The following EPG5 variants were observed in gnomAD, a reference collection of about 807,000 sequenced individuals.
The protein encoded by EPG5 is ectopic P granules protein 5 homolog.
A neutral mutation model predicts 302.7 loss-of-function variants in EPG5; 159 were observed. The observed-to-expected ratio is 0.53, with a 90% confidence interval of 0.46 to 0.60. The LOEUF (loss-of-function observed/expected upper bound fraction) is 0.60, where lower values mean the gene tolerates loss of function less well. Among genes scored for constraint, EPG5 ranks in the 20% least tolerant of loss-of-function variants. The probability of loss-of-function intolerance (pLI) is 0.00; values close to 1 mark genes in which losing one functional copy is unlikely to be tolerated. For synonymous variants in EPG5, 1,158 were observed against 1,136.8 expected (o/e 1.02, Z -0.37); for missense variants, 2,896 against 3,092.4 (o/e 0.94, Z 1.51).
At chr18:45,958,193 T>G (rs922602518) in intron 1 of EPG5, among the ~76,000 whole-genome samples, 1 of 152,196 alleles carries the variant, frequency 6.6e-6, no homozygotes, top group African/African-American at 2.4e-5. Context: ...GCAACTTAAT[T>G]TATTTAAATG....
chr18:45,884,014 C>T (rs1234702571), intron 30 of EPG5, among the ~76,000 whole-genome samples: 1 of 151,790 alleles, frequency 6.6e-6, no homozygotes, highest in Non-Finnish European at 1.5e-5. Flanking sequence ...GAGAGACTAA[C>T]AAAACCTTTG....
intron 43 of EPG5, 32 bp from the exon 44 acceptor site, chr18:45,852,681 C>A: frequency 1.3e-6 from 2 of 1,586,844 alleles, no homozygotes; most frequent in Non-Finnish European, 1.7e-6. Flanking sequence ...AGGGTTAACT[C>A]CATAGAGGCA....
At position 45,849,555 on chromosome 18, in the gene EPG5, A is replaced by G. The variant is rs1282032212; in HGVS notation, c.*2912T>C. ...TTCATTTGAAAGGAACGAGGACATGAACACTCTTGGCTTGTATGACATGTA... is the reference window on the plus strand; with the variant it reads ...TTCATTTGAAAGGAACGAGGACATGGACACTCTTGGCTTGTATGACATGTA... On this transcript the variant is annotated 3_prime_UTR_variant, in exon 44 of 44. Coordinates refer to ENST00000282041, the MANE Select transcript of EPG5 (RefSeq NM_020964.3). The G allele has an allele frequency of 1.3e-5, 2 of 152,268 alleles. No individual in the cohort carries two copies. Among genetic ancestry groups the G allele is most frequent in the Non-Finnish European group, 2.9e-5 (2 of 68,048 alleles). The allele number at this position is 152,268 out of a possible 1,614,324, so 9.4% of individuals were successfully genotyped here.
rs2048378709 is a variant in EPG5 at position 45,847,923 on chromosome 18, A to G, written c.*4544T>C. The G allele has an allele frequency of 1.3e-5, 2 of 152,670 alleles. No homozygotes were observed. Among genetic ancestry groups the G allele is most frequent in the South Asian group, 2.1e-4 (1 of 4,834 alleles). The allele number at this position is 152,670 out of a possible 1,614,324, so 9.5% of individuals were successfully genotyped here. On this transcript the variant is annotated 3_prime_UTR_variant, in exon 44 of 44. Coordinates refer to ENST00000282041, the MANE Select transcript of EPG5 (RefSeq NM_020964.3). The stretch of plus-strand genomic sequence containing the variant: ...GAGACAGTACATCTGTACATTAAAA[A>G]ATAAAAGTTATAATCAACAACATTC...
chr18:45,927,860 C>T (rs748910102), intron 13 of EPG5, among the ~76,000 whole-genome samples: 2 of 152,028 alleles, frequency 1.3e-5, no homozygotes, highest in Non-Finnish European at 2.9e-5. Context: ...GGACCCCAAC[C>T]TAAGAAAGCT....
At chr18:45,872,945 T>C (rs1218666117) in intron 35 of EPG5, among the ~76,000 whole-genome samples, 9 of 152,322 alleles carry the variant, frequency 5.9e-5, no homozygotes, top group Non-Finnish European at 8.8e-5. Context: ...GAGCTGATAG[T>C]TCCAGCCAAG....
rs2048425919 is a variant in EPG5, at chr18:45,851,729, A to T, written c.*738T>A. 6.6e-6 allele frequency: 1 copy of T among 152,206 alleles called. No homozygotes were observed. The highest frequency in any genetic ancestry group is 2.4e-5 in the African/African-American group (1 of 41,422). 9.4% of individuals were successfully genotyped at this position (152,206 alleles called of 1,614,324 possible). On this transcript the variant is annotated 3_prime_UTR_variant, in exon 44 of 44. Transcript: ENST00000282041. ...ACTAGAGAGAGGCAGCCCTGTCTGC[A>T]CTCCTCACCAAGTGGACCAAACAAA... is the stretch of plus-strand genomic sequence containing the variant.
chr18:45,947,337 C>T (rs1375765322), intron 6 of EPG5, among the ~76,000 whole-genome samples: 6 of 152,048 alleles, frequency 3.9e-5, no homozygotes, highest in Non-Finnish European at 7.4e-5. Context: ...CTCTTGAACC[C>T]AGGAGGCAGA....
intron 29 of EPG5, among the ~76,000 whole-genome samples, chr18:45,886,580 T>C (rs988591587): frequency 6.6e-6 from 1 of 152,202 alleles, no homozygotes; most frequent in African/African-American, 2.4e-5. Flanking sequence ...ATGTAGTCAG[T>C]ATTTCTAGGT....
At chr18:45,863,660 T>C (rs1233010456) in intron 39 of EPG5, among the ~76,000 whole-genome samples, 1 of 152,226 alleles carries the variant, frequency 6.6e-6, no homozygotes, top group South Asian at 2.1e-4. Flanking sequence ...GTGGCTTTTC[T>C]TAGTTTACAA....
At chr18:45,866,367 C>T (rs545057311) in intron 38 of EPG5, among the ~76,000 whole-genome samples, 1 of 152,260 alleles carries the variant, frequency 6.6e-6, no homozygotes, top group East Asian at 1.9e-4. Context: ...GTGATCCGCC[C>T]ACCTTGGCCT....
chr18:45,838,400 T>C, the EPG5 span: 4 of 462,120 alleles, frequency 8.7e-6, no homozygotes, highest in African/African-American at 6.3e-5. Context: ...CCCACCCTGC[T>C]CTGCGACAAT....
rs189650861 is a variant in EPG5, at chr18:45,964,095, T to C, written c.63+3082A>G. Among the ~76,000 whole-genome samples the C allele has an allele frequency of 1.8e-3, 272 of 152,354 alleles. 2 individuals are homozygous for C. Among genetic ancestry groups the C allele is most frequent in the Non-Finnish European group, 1.2e-4 (8 of 68,042 alleles). On this transcript the variant is annotated intron_variant, in intron 1 of 43. Coordinates refer to ENST00000282041, the MANE Select transcript of EPG5 (RefSeq NM_020964.3). ...ACAAAAAAAAATTAATGTATGTTTG[T>C]ATAGGAAAGTTGCCTAAGATGGATA... is the stretch of plus-strand genomic sequence containing the variant.
the EPG5 span, among the ~76,000 whole-genome samples, chr18:45,809,660 T>C: frequency 6.6e-6 from 1 of 152,208 alleles, no homozygotes; most frequent in African/African-American, 2.4e-5. Flanking sequence ...AATTAAAAAG[T>C]TCTTTGAACT....
chr18:45,837,139 T>G, the EPG5 span: 1 of 1,606,202 alleles, frequency 6.2e-7, no homozygotes, highest in Non-Finnish European at 8.5e-7. Context: ...GAGTCTGTTT[T>G]AACCACGAGA....
intron 1 of EPG5, among the ~76,000 whole-genome samples, chr18:45,961,396 C>G (rs1280851288): frequency 6.6e-6 from 1 of 152,204 alleles, no homozygotes; most frequent in Non-Finnish European, 1.5e-5. Context: ...TCCCCTCACT[C>G]ACTCTGCACT....
chr18:45,883,636 T>G (rs1434846042), intron 30 of EPG5, among the ~76,000 whole-genome samples: 1 of 139,786 alleles, frequency 7.2e-6, no homozygotes, highest in Non-Finnish European at 1.5e-5. Flanking sequence ...TTTTTTTTTT[T>G]TTTTTGTACA....
chr18:45,857,714 C>CTT, intron 42 of EPG5, 139 bp downstream of exon 42: 59 of 420,956 alleles, frequency 1.4e-4, no homozygotes, highest in South Asian at 3.7e-4. Context: ...TTTTTTTTTT[C>CTT]TTTTTTTTTT....
rs571772034 is a variant in EPG5 at position 45,884,537 on chromosome 18, G to C, written c.5304+80C>G. 2,618 of 1,323,440 alleles carry C rather than the reference G, an allele frequency of 2.0e-3. 11 individuals carry two copies. The highest frequency in any genetic ancestry group is 1.5e-3 in the Non-Finnish European group (1,437 of 960,586). The allele number at this position is 1,323,440 out of a possible 1,614,324, so 82.0% of individuals were successfully genotyped here. On this transcript the variant is annotated intron_variant, in intron 30 of 43. Transcript: ENST00000282041. ...TGTACCTGGAAACAAAACTGCAGAG[G>C]TCCTTTTATTTCTGTAGAGGAGGAA...
Sources: allele counts gnomAD v4.1 joint callset (sites outside exome capture counted in the v4.1 genomes callset), GRCh38; gene constraint gnomAD v4.1.1; transcripts MANE v1.5; gene names NCBI Gene and HGNC (gene_info 2026-07-23, HGNC 2026-07-21).